The following SLC6A12 variants were observed in gnomAD, a reference collection of about 807,000 sequenced individuals.
SLC6A12 encodes the protein solute carrier family 6 member 12, also known as sodium- and chloride-dependent betaine transporter.
A neutral mutation model predicts 73.3 loss-of-function variants in SLC6A12; 50 were observed. The ratio of observed to expected loss-of-function variants is 0.68; its 90% CI spans 0.54 to 0.86. The LOEUF (loss-of-function observed/expected upper bound fraction) is 0.86. SLC6A12 is among the 40% of genes least tolerant of loss of function. The pLI is 0.00. For missense variants in SLC6A12, 648 were observed against 772.8 expected, an observed-to-expected ratio of 0.84 and a Z score of 1.92; for synonymous variants, 304 against 309.2, an observed-to-expected ratio of 0.98 and a Z score of 0.18.
intron 11 of SLC6A12, 138 bp from the exon 12 acceptor site, chr12:196,399 G>A (rs771964343): frequency 2.8e-6 from 3 of 1,087,200 alleles, no homozygotes; most frequent in Non-Finnish European, 3.9e-6. Flanking sequence ...AAATGGGGGT[G>A]CCCTGGGGTG....
chr12:209,682 C>A, intron 3 of SLC6A12, 91 bp downstream of exon 3: 1 of 1,407,188 alleles, frequency 7.1e-7, no homozygotes, highest in Non-Finnish European at 1.0e-6. Context: ...CTTTTATAAA[C>A]CACACTGCCC....
downstream of SLC6A12, among the ~76,000 whole-genome samples, chr12:187,621 AAAAAAAAAAAC>A (rs1565461363): frequency 2.8e-3 from 149 of 54,060 alleles, 10 homozygotes; most frequent in Middle Eastern, 0.011. Context: ...AAAAAAAAAA[AAAAAAAAAAAC>A]AAACCACACA....
intron 7 of SLC6A12, 133 bp from the exon 8 acceptor site, chr12:199,064 A>G (rs1940073932): frequency 1.3e-6 from 1 of 770,330 alleles, no homozygotes; most frequent in East Asian, 2.9e-5. Flanking sequence ...GCTAAGCACA[A>G]GAAAGTTTCC....
At chr12:184,489 G>A in the SLC6A12 span, among the ~76,000 whole-genome samples, 6 of 152,226 alleles carry the variant, frequency 3.9e-5, no homozygotes, top group East Asian at 1.2e-3. Context: ...GGTGGTTCAT[G>A]CCTGTAATCC....
chr12:190,946 G>C lies in SLC6A12; in HGVS notation c.*122C>G. 1.2e-6 allele frequency: 1 copy of C among 868,682 alleles called. No individual in the cohort carries two copies. The highest frequency in any genetic ancestry group is 1.5e-6 in the Non-Finnish European group (1 of 653,752). The allele number at this position is 868,682 out of a possible 1,614,324, so 53.8% of individuals were successfully genotyped here. ...TGGCCTCCAGCTGGGGGTGCCTGTG[G>C]CTCTCCAGAGGTTCCCAGCAGGATT... On this transcript the variant is annotated 3_prime_UTR_variant, in exon 16 of 16. Coordinates refer to ENST00000684302, the MANE Select transcript of SLC6A12 (RefSeq NM_001122848.3).
chr12:193,129 G>A (rs1473536689), intron 14 of SLC6A12, 148 bp downstream of exon 14: 1 of 646,406 alleles, frequency 1.5e-6, no homozygotes, highest in South Asian at 1.9e-5. Context: ...AGAAGAGCAG[G>A]GAAGGCAACA....
intron 12 of SLC6A12, 40 bp downstream of exon 12, chr12:196,084 C>G (rs760777225): frequency 6.5e-7 from 1 of 1,543,766 alleles, no homozygotes; most frequent in Non-Finnish European, 8.8e-7. Flanking sequence ...GTGGCTCCCT[C>G]CCCTGGAGCC....
chr12:197,120 T>TCTAC (rs1939919605), intron 10 of SLC6A12, among the ~76,000 whole-genome samples: 4 of 82,928 alleles, frequency 4.8e-5, no homozygotes, highest in African/African-American at 1.4e-4. Context: ...CATCCATCCA[T>TCTAC]CCATCCATCC....
rs759619929 is a variant in SLC6A12, at chr12:198,813, C to T, written c.830G>A (p.Arg277His). Reference protein sequence around the residue: ...IIYYLKPDLFRLKDPQVWMDA... With the variant: ...IIYYLKPDLFHLKDPQVWMDA... ...GGTACATACCTGAGGGTCCTTGAGG[C>T]GGAACAAATCTGGCTTCAAGTAGTA... The change falls in exon 8 of 16, where the codon CGC becomes CAC. Residue 277 changes from arginine to histidine, a missense_variant. Transcript: ENST00000684302. This position sits in a 1 kb window ranked among gnomAD's most constrained non-coding sequence, Gnocchi z 4.0. The T allele has an allele frequency of 1.7e-5, 28 of 1,613,998 alleles. No homozygotes were observed. Among genetic ancestry groups the T allele is most frequent in the South Asian group, 1.3e-4 (12 of 91,088 alleles).
chr12:191,098 C>G lies in SLC6A12; in HGVS notation c.1815G>C (p.Leu605=). 7.5e-7 allele frequency: 1 copy of G among 1,341,166 alleles called. No homozygotes were observed. Among genetic ancestry groups the G allele is most frequent in the Non-Finnish European group, 9.7e-7 (1 of 1,034,218 alleles). The allele number at this position is 1,341,166 out of a possible 1,614,324, so 83.1% of individuals were successfully genotyped here. Residue 605 remains leucine (L), a synonymous_variant, in exon 16 of 16, where the codon CTG becomes CTC. Coordinates refer to ENST00000684302, the MANE Select transcript of SLC6A12 (RefSeq NM_001122848.3). ...NFGPSPTREG[L]IAGEKETHL ...AATGGGTCTCCTTCTCCCCGGCTAT[C>G]AGTCCTTCCCTTGTTGGGGAGGGCC...
At chr12:189,850 C>A (rs981020829), downstream of SLC6A12, among the ~76,000 whole-genome samples, 1 of 152,110 alleles carries the variant, frequency 6.6e-6, no homozygotes, top group Non-Finnish European at 1.5e-5. Flanking sequence ...CCCTGGGACA[C>A]TCTCACAGAC....
downstream of SLC6A12, among the ~76,000 whole-genome samples, chr12:185,724 C>T (rs1204230894): frequency 1.3e-5 from 2 of 152,188 alleles, no homozygotes; most frequent in African/African-American, 4.8e-5. Flanking sequence ...GCAGGTTCCT[C>T]AGACCTGACA....
At chr12:203,848 G>A (rs1485560007) in intron 4 of SLC6A12, 1 of 152,524 alleles carries the variant, frequency 6.6e-6, no homozygotes, top group Non-Finnish European at 1.5e-5. Context: ...GCAGCTCCGG[G>A]AGAGGGGAGT....
Position 192,581 on chromosome 12 carries a change from G to A in SLC6A12, c.1598C>T (p.Pro533Leu). ...LKYNNVYVYP[P>L]WGYSIGWFLA... ...GAACCAGCCAATGGAGTATCCCCAG[G>A]GCGGGTACACATAGACGTTGTTGTA... The change falls in exon 15 of 16, where the codon CCC becomes CTC. Residue 533 changes from proline (P) to leucine (L), a missense_variant. By Grantham distance (98) the Pro-to-Leu change is moderately conservative. Coordinates refer to ENST00000684302, the MANE Select transcript of SLC6A12 (RefSeq NM_001122848.3). 1 of 1,614,098 alleles carries A rather than the reference G, an allele frequency of 6.2e-7. No homozygotes were observed. The highest frequency in any genetic ancestry group is 8.5e-7 in the Non-Finnish European group (1 of 1,179,978).
At chr12:208,028 G>A (rs770045324) in intron 3 of SLC6A12, among the ~76,000 whole-genome samples, 3 of 152,168 alleles carry the variant, frequency 2.0e-5, no homozygotes, top group Non-Finnish European at 2.9e-5. Flanking sequence ...CCGACACCGC[G>A]GCCCTGCCTC....
At chr12:186,999 T>C (rs1939442893), downstream of SLC6A12, among the ~76,000 whole-genome samples, 1 of 152,198 alleles carries the variant, frequency 6.6e-6, no homozygotes, top group South Asian at 2.1e-4. Context: ...AAGTTCTCAC[T>C]TTCTCCGCTA....
At chr12:188,408 G>A (rs1360193840), downstream of SLC6A12, among the ~76,000 whole-genome samples, 3 of 152,192 alleles carry the variant, frequency 2.0e-5, no homozygotes, top group Middle Eastern at 3.4e-3. Context: ...CGGAACTCGC[G>A]CTGGCCCGCA....
intron 2 of SLC6A12, among the ~76,000 whole-genome samples, chr12:211,377 A>G (rs990219996): frequency 1.4e-4 from 21 of 152,382 alleles, no homozygotes; most frequent in African/African-American, 4.6e-4. Context: ...GGAATGGGAA[A>G]GCATGTCAGA....
At position 202,427 on chromosome 12, in the gene SLC6A12, A is replaced by C. The variant is rs190037108; in HGVS notation, c.490+313T>G. On this transcript the variant is annotated intron_variant, in intron 5 of 15. Transcript: ENST00000684302. ...TTTGCTCAGCCTCGTACCAATCTCC[A>C]GCCCTTGGCACCGTGTTTAACACAC... 1.2e-3 allele frequency among the ~76,000 whole-genome samples: 190 copies of C among 152,328 alleles called. 1 individual carries two copies. The highest frequency in any genetic ancestry group is 4.2e-3 in the African/African-American group (174 of 41,572).
Sources: allele counts gnomAD v4.1 joint callset (sites outside exome capture counted in the v4.1 genomes callset), GRCh38; gene constraint gnomAD v4.1.1; non-coding constraint Gnocchi (gnomAD v3.1); transcripts MANE v1.5; gene names NCBI Gene and HGNC (gene_info 2026-07-23, HGNC 2026-07-21).